SPATA17: variants seen among roughly 807,000 people sequenced by gnomAD.
SPATA17 encodes spermatogenesis-associated protein 17.
A neutral mutation model predicts 62.2 loss-of-function variants in SPATA17; 53 were observed. The observed-to-expected ratio is 0.85, with a 90% CI of 0.68 to 1.07. The LOEUF is 1.07. Among genes scored for constraint, SPATA17 ranks in the 50% least tolerant of loss-of-function variants. The pLI, the probability that SPATA17 is intolerant of heterozygous loss-of-function variation, is 0.00. For missense variants in SPATA17, 466 were observed against 425.5 expected, an observed-to-expected ratio of 1.10 and a Z score of -0.84; for synonymous variants, 146 against 146.8, an observed-to-expected ratio of 0.99 and a Z score of 0.04.
intron 1 of SPATA17, among the ~76,000 whole-genome samples, chr1:217,632,439 G>A (rs188356145): frequency 6.6e-6 from 1 of 152,278 alleles, no homozygotes; most frequent in East Asian, 1.9e-4. Context: ...ACAGTGACAT[G>A]ACAGACCAAT....
At chr1:217,688,237 T>TA (rs1291219790) in intron 5 of SPATA17, among the ~76,000 whole-genome samples, 1 of 151,744 alleles carries the variant, frequency 6.6e-6, no homozygotes, top group Non-Finnish European at 1.5e-5. Flanking sequence ...ACTCTTTCTC[T>TA]AAAAAAAATA....
intron 9 of SPATA17, among the ~76,000 whole-genome samples, chr1:217,827,584 T>C (rs950538991): frequency 6.6e-6 from 1 of 152,146 alleles, no homozygotes; most frequent in African/African-American, 2.4e-5. Context: ...CATGCATGTG[T>C]CTGTTCATTG....
At chr1:217,753,795 A>G (rs1295033474) in intron 6 of SPATA17, among the ~76,000 whole-genome samples, 1 of 152,184 alleles carries the variant, frequency 6.6e-6, no homozygotes, top group Non-Finnish European at 1.5e-5. Flanking sequence ...AGTACATAAC[A>G]AATGTAGCTC....
chr1:217,782,094 G>A (rs982543529), intron 7 of SPATA17, 80 bp from the exon 8 acceptor site: 13 of 1,359,002 alleles, frequency 9.6e-6, no homozygotes, highest in Non-Finnish European at 1.3e-5. Context: ...ATACTTTGTA[G>A]ATGTTCACTA....
chr1:217,826,815 G>A (rs1416665884), intron 9 of SPATA17, among the ~76,000 whole-genome samples: 1 of 151,848 alleles, frequency 6.6e-6, no homozygotes, highest in Non-Finnish European at 1.5e-5. Flanking sequence ...ATTCCAGATA[G>A]GTACATAATT....
At chr1:217,735,779 C>T (rs1023495336) in intron 5 of SPATA17, among the ~76,000 whole-genome samples, 1 of 151,904 alleles carries the variant, frequency 6.6e-6, no homozygotes, top group Non-Finnish European at 1.5e-5. Context: ...TATAAAGATT[C>T]TGTTTTTAGT....
At chr1:217,847,617 A>G (rs1675557508) in intron 9 of SPATA17, among the ~76,000 whole-genome samples, 3 of 152,192 alleles carry the variant, frequency 2.0e-5, no homozygotes, top group Admixed American at 2.0e-4. Flanking sequence ...TCTGCATTCT[A>G]ATATGTTTTA....
intron 6 of SPATA17, among the ~76,000 whole-genome samples, chr1:217,767,225 G>A (rs1361215985): frequency 2.0e-5 from 3 of 152,150 alleles, no homozygotes; most frequent in Middle Eastern, 3.4e-3. Context: ...AGGAGAAATT[G>A]GATGTAAAAT....
intron 6 of SPATA17, among the ~76,000 whole-genome samples, chr1:217,744,782 T>G (rs192982594): frequency 4.2e-4 from 64 of 152,270 alleles, no homozygotes; most frequent in African/African-American, 1.5e-3. Flanking sequence ...ATCCCAGCTC[T>G]CCCACTAAGG....
chr1:217,756,142 T>C (rs1673036392), intron 6 of SPATA17, among the ~76,000 whole-genome samples: 1 of 152,176 alleles, frequency 6.6e-6, no homozygotes, highest in African/African-American at 2.4e-5. Flanking sequence ...TTTATGTACA[T>C]GTCCTAATTC....
chr1:217,643,290 T>A (rs573930034), intron 1 of SPATA17, among the ~76,000 whole-genome samples: 1 of 152,272 alleles, frequency 6.6e-6, no homozygotes, highest in Admixed American at 6.5e-5. Flanking sequence ...CAACTGCCTC[T>A]TCTCTTAGAC....
chr1:217,761,387 A>G (rs577524961), intron 6 of SPATA17, among the ~76,000 whole-genome samples: 12 of 152,284 alleles, frequency 7.9e-5, no homozygotes, highest in Middle Eastern at 3.4e-3. Flanking sequence ...CACACCTTAT[A>G]CACCAAACTC....
At chr1:217,684,966 G>A (rs1461306106) in intron 5 of SPATA17, among the ~76,000 whole-genome samples, 1 of 152,074 alleles carries the variant, frequency 6.6e-6, no homozygotes, top group East Asian at 1.9e-4. Context: ...GGCTTCAATA[G>A]GATTTAGTCG....
chr1:217,750,562 C>G (rs1020572679), intron 6 of SPATA17, among the ~76,000 whole-genome samples: 3 of 152,200 alleles, frequency 2.0e-5, no homozygotes, highest in Non-Finnish European at 4.4e-5. Context: ...TTCGTACATT[C>G]CCTGCCACTT....
chr1:217,854,626 A>G (rs1414829049), intron 9 of SPATA17, among the ~76,000 whole-genome samples: 18 of 152,098 alleles, frequency 1.2e-4, no homozygotes. Flanking sequence ...CCTGATTTCT[A>G]TCATTCCCCC....
chr1:217,860,872 C>G lies in SPATA17; in HGVS notation c.1006-1902C>G, dbSNP rs12030824. On this transcript the variant is annotated intron_variant, in intron 9 of 10. Coordinates refer to ENST00000366933, the MANE Select transcript of SPATA17 (RefSeq NM_138796.4). Reference sequence around the variant, plus strand: ...TGATCAATATATACCAAATTTGTAACTTGGTCTTCATTTTCTTATTTGTTT... The same window carrying G: ...TGATCAATATATACCAAATTTGTAAGTTGGTCTTCATTTTCTTATTTGTTT... Among the ~76,000 whole-genome samples, 1,394 of 152,130 alleles carry G rather than the reference C, an allele frequency of 9.2e-3. 17 individuals carry two copies. The highest frequency in any genetic ancestry group is 0.062 in the East Asian group (321 of 5,178).
In SPATA17 at chr1:217,770,978, ATTTTTT is replaced by A. The variant is rs374042087; in HGVS notation, c.520-3331_520-3326del. Reference sequence around the variant, plus strand: ...ATGTATCTATTATATAACTCATTGCATTTTTTTTTTTTTTTTTTTTTTTTTTTTTTG... The same window carrying A: ...ATGTATCTATTATATAACTCATTGCATTTTTTTTTTTTTTTTTTTTTTTTG... On this transcript the variant is annotated intron_variant, in intron 6 of 10. Transcript: ENST00000366933. 8.5e-3 allele frequency among the ~76,000 whole-genome samples: 424 copies of A among 50,114 alleles called. 2 individuals carry two copies. In the East Asian group the frequency reaches 0.092, roughly 11 times the overall value. 32.9% of individuals were successfully genotyped at this position (50,114 alleles called of 152,430 possible).
At chr1:217,788,982 A>T (rs1673927884) in intron 8 of SPATA17, among the ~76,000 whole-genome samples, 1 of 152,166 alleles carries the variant, frequency 6.6e-6, no homozygotes, top group South Asian at 2.1e-4. Flanking sequence ...AACTCCTCAA[A>T]TCCCTAGGGA....
intron 3 of SPATA17, among the ~76,000 whole-genome samples, chr1:217,658,689 T>C (rs887489945): frequency 2.0e-5 from 3 of 151,676 alleles, no homozygotes; most frequent in East Asian, 1.9e-4. Flanking sequence ...ACCCGGGAGG[T>C]GGAGCTTGCA....
Sources: gnomAD v4.1 joint callset for allele counts (sites outside exome capture counted in the v4.1 genomes callset) on GRCh38, gnomAD v4.1.1 for gene constraint, MANE v1.5 for transcripts, NCBI Gene and HGNC (gene_info 2026-07-23, HGNC 2026-07-21) for gene names.